Variants in ENTPD1 observed in about 807,000 individuals in gnomAD.
ENTPD1 encodes ectonucleoside triphosphate diphosphohydrolase 1.
Under a neutral mutation model 57.0 loss-of-function variants are expected in ENTPD1, and 33 were observed. The observed-to-expected ratio is 0.58, with a 90% confidence interval of 0.44 to 0.77. ENTPD1 has a LOEUF of 0.77. Ranked by LOEUF, ENTPD1 falls within the 30% of genes least tolerant of loss-of-function variation. ENTPD1 has a pLI of 0.00. For missense variants in ENTPD1, 501 were observed against 603.4 expected, an observed-to-expected ratio of 0.83 and a Z score of 1.78; for synonymous variants, 202 against 218.8, an observed-to-expected ratio of 0.92 and a Z score of 0.68.
chr10:95,709,167 A>C (rs1370544907), upstream of ENTPD1, among the ~76,000 whole-genome samples: 1 of 152,190 alleles, frequency 6.6e-6, no homozygotes, highest in African/African-American at 2.4e-5. Flanking sequence ...ACACTTCAAA[A>C]ACTATCATAC....
At chr10:95,828,238 G>A (rs768162690) in intron 2 of ENTPD1, among the ~76,000 whole-genome samples, 2 of 152,140 alleles carry the variant, frequency 1.3e-5, no homozygotes, top group Non-Finnish European at 1.5e-5. Flanking sequence ...ACCCTATTGT[G>A]AACTGCACAT....
chr10:95,754,289 CAA>C (rs1330200420), upstream of ENTPD1: 2 of 83,536 alleles, frequency 2.4e-5, no homozygotes, highest in East Asian at 3.4e-4. Flanking sequence ...GCCTGGGAGA[CAA>C]GAGTAAAACT....
intron 1 of ENTPD1, among the ~76,000 whole-genome samples, chr10:95,761,374 A>G (rs1483188434): frequency 6.6e-6 from 1 of 152,182 alleles, no homozygotes; most frequent in Non-Finnish European, 1.5e-5. Context: ...GCTCTGAAGT[A>G]GGTCTACATT....
At chr10:95,837,859 T>G (rs553251883) in intron 2 of ENTPD1, among the ~76,000 whole-genome samples, 1 of 152,032 alleles carries the variant, frequency 6.6e-6, no homozygotes, top group East Asian at 1.9e-4. Flanking sequence ...GGCCCCTACA[T>G]TGGTGTCTCC....
chr10:95,769,163 G>T (rs1190070835), intron 1 of ENTPD1, among the ~76,000 whole-genome samples: 4 of 152,240 alleles, frequency 2.6e-5, no homozygotes, highest in African/African-American at 9.6e-5. Flanking sequence ...GACTAGGGCT[G>T]TCAGAGTTCT....
chr10:95,751,516 C>T (rs1174510585), upstream of ENTPD1, among the ~76,000 whole-genome samples: 10 of 151,868 alleles, frequency 6.6e-5, no homozygotes, highest in Admixed American at 2.6e-4. Context: ...GTCAGGAGTT[C>T]GAGACCAGGC....
At chr10:95,700,276 A>G in the ENTPD1 span, among the ~76,000 whole-genome samples, 1 of 150,176 alleles carries the variant, frequency 6.7e-6, no homozygotes. Context: ...ATTGAACAAA[A>G]AGATAAATAA....
chr10:95,736,863 T>C lies in ENTPD1; in HGVS notation c.37+24870T>C, dbSNP rs1179442577. Among the ~76,000 whole-genome samples, 4 of 152,336 alleles carry C rather than the reference T, an allele frequency of 2.6e-5. No individual in the cohort carries two copies. In the East Asian group the frequency reaches 7.7e-4, roughly 29 times the overall value. On this transcript the variant is annotated intron_variant, in intron 1 of 9. Coordinates refer to the ENTPD1 transcript ENST00000453258. ...TGACCCCCTCATCAGTATAATTTAG[T>C]CAATTACTCCCAGTAGTTTCTCAGC...
chr10:95,822,300 G>C (rs899252809), intron 1 of ENTPD1, among the ~76,000 whole-genome samples: 1 of 146,748 alleles, frequency 6.8e-6, no homozygotes, highest in Non-Finnish European at 1.5e-5. Context: ...ACCCGTTTTT[G>C]GTTATTATTT....
At chr10:95,722,997 G>A (rs1050856839) in intron 1 of ENTPD1, among the ~76,000 whole-genome samples, 6 of 152,202 alleles carry the variant, frequency 3.9e-5, no homozygotes, top group Non-Finnish European at 7.3e-5. Flanking sequence ...ACTTTCTTCT[G>A]TTAGCAAAGC....
chr10:95,774,937 A>C (rs552695547), intron 1 of ENTPD1, among the ~76,000 whole-genome samples: 16 of 152,276 alleles, frequency 1.1e-4, no homozygotes, highest in Non-Finnish European at 2.1e-4. Flanking sequence ...GGCCATTTTC[A>C]TGATATTGAT....
upstream of ENTPD1, chr10:95,753,327 G>A (rs963967019): frequency 2.6e-5 from 4 of 152,264 alleles, no homozygotes; most frequent in African/African-American, 9.6e-5. Context: ...CTTAACCATA[G>A]TATTTTCATG....
intron 2 of ENTPD1, among the ~76,000 whole-genome samples, chr10:95,837,783 G>A (rs2098413553): frequency 6.6e-6 from 1 of 152,076 alleles, no homozygotes; most frequent in African/African-American, 2.4e-5. Flanking sequence ...TCTCCCTGGA[G>A]TCTCTTAGAT....
chr10:95,870,081 T>C lies in ENTPD1; in HGVS notation c.*3698T>C, dbSNP rs1194069106. 1 of 985,316 alleles carries C rather than the reference T, an allele frequency of 1.0e-6. No individual in the cohort carries two copies. Among genetic ancestry groups the C allele is most frequent in the Non-Finnish European group, 1.2e-6 (1 of 829,906 alleles). The allele number at this position is 985,316 out of a possible 1,614,324, so 61.0% of individuals were successfully genotyped here. On this transcript the variant is annotated 3_prime_UTR_variant, in exon 10 of 10. Coordinates refer to ENST00000371205, the MANE Select transcript of ENTPD1 (RefSeq NM_001776.6). ...CATTCTTGCTATTATTTATTATATA[T>C]GACATTATTCCTAAAAAAGCTTTTG...
intron 1 of ENTPD1, among the ~76,000 whole-genome samples, chr10:95,818,577 A>G (rs1195356643): frequency 6.6e-6 from 1 of 152,212 alleles, no homozygotes; most frequent in Non-Finnish European, 1.5e-5. Flanking sequence ...ATATGAGGTA[A>G]GGGTGACTGG....
intron 1 of ENTPD1, among the ~76,000 whole-genome samples, chr10:95,790,541 G>A (rs2098199388): frequency 1.3e-5 from 2 of 152,264 alleles, no homozygotes; most frequent in South Asian, 4.1e-4. Context: ...ACAAGATGAA[G>A]AGAGTAATAT....
At chr10:95,849,298 C>T (rs2098440910) in intron 7 of ENTPD1, among the ~76,000 whole-genome samples, 1 of 152,202 alleles carries the variant, frequency 6.6e-6, no homozygotes, top group East Asian at 1.9e-4. Flanking sequence ...TAGCTACCAT[C>T]TGTCAAATGC....
exon 1 of ENTPD1, chr10:95,711,784 C>T (rs1228585058): frequency 9.9e-6 from 8 of 805,468 alleles, no homozygotes; most frequent in Admixed American, 8.6e-5. Context: ...CTCCTGTGTA[C>T]GTGTAAAATT....
intron 1 of ENTPD1, among the ~76,000 whole-genome samples, chr10:95,770,194 G>T (rs2098109981): frequency 6.6e-6 from 1 of 151,680 alleles, no homozygotes; most frequent in African/African-American, 2.4e-5. Context: ...AACTTTAAAG[G>T]TTGGGGATAG....
Sources: gnomAD v4.1 joint callset for allele counts (sites outside exome capture counted in the v4.1 genomes callset) on GRCh38, gnomAD v4.1.1 for gene constraint, MANE v1.5 for transcripts, NCBI Gene and HGNC (gene_info 2026-07-23, HGNC 2026-07-21) for gene names.